The following TNFRSF21 variants were observed in gnomAD, a reference collection of about 807,000 sequenced individuals.
The protein encoded by TNFRSF21 is TNF receptor superfamily member 21.
In TNFRSF21, 19 loss-of-function variants were observed where a neutral mutation model predicts 45.6. The observed-to-expected ratio is 0.42, with a 90% confidence interval of 0.29 to 0.61. TNFRSF21 has a LOEUF of 0.61. TNFRSF21 is among the 20% of genes least tolerant of loss of function. The pLI is 0.23. For missense variants in TNFRSF21, 737 were observed against 851.5 expected, an observed-to-expected ratio of 0.87 and a Z score of 1.67; for synonymous variants, 314 against 335.5, an observed-to-expected ratio of 0.94 and a Z score of 0.70.
chr6:47,266,350 C>T (rs1188649067), intron 3 of TNFRSF21, among the ~76,000 whole-genome samples: 4 of 152,136 alleles, frequency 2.6e-5, no homozygotes, highest in African/African-American at 9.7e-5. Flanking sequence ...GAACTTAGAA[C>T]TCTGAACTGG....
Position 47,232,546 on chromosome 6 carries a change from T to C in TNFRSF21, c.*219A>G, listed in dbSNP as rs911847933. 6.3e-5 allele frequency: 33 copies of C among 521,248 alleles called. No individual in the cohort carries two copies. The highest frequency in any genetic ancestry group is 1.0e-4 in the Non-Finnish European group (30 of 299,522). 32.3% of individuals were successfully genotyped at this position (521,248 alleles called of 1,614,324 possible). A position where few individuals can be genotyped will look rare whatever the true frequency, so the allele number is the denominator to read the frequency against. On this transcript the variant is annotated 3_prime_UTR_variant, in exon 6 of 6. Coordinates refer to ENST00000296861, the MANE Select transcript of TNFRSF21 (RefSeq NM_014452.5). ...ACCTGGCAAAGGCTTATAAACCAAC[T>C]TCCCAGAAGAGTTATTTAAAAAAAA...
intron 3 of TNFRSF21, 127 bp downstream of exon 3, chr6:47,283,811 G>C (rs1280282300): frequency 5.8e-6 from 7 of 1,209,972 alleles, no homozygotes; most frequent in Non-Finnish European, 7.0e-6. Context: ...AACACGACTA[G>C]ATCAAGTAGT....
intron 4 of TNFRSF21, among the ~76,000 whole-genome samples, chr6:47,242,628 G>C (rs149050809): frequency 2.6e-5 from 4 of 152,186 alleles, no homozygotes; most frequent in East Asian, 1.9e-4. Flanking sequence ...GAGGGAAAAG[G>C]GGGGGCAGCC....
intron 3 of TNFRSF21, among the ~76,000 whole-genome samples, chr6:47,279,018 T>C (rs1762533083): frequency 6.6e-6 from 1 of 152,184 alleles, no homozygotes; most frequent in Admixed American, 6.5e-5. Flanking sequence ...CTCACTTTTC[T>C]TCACAGTCTG....
At chr6:47,257,162 C>G (rs148910630) in intron 3 of TNFRSF21, among the ~76,000 whole-genome samples, 2,926 of 151,892 alleles carry the variant, frequency 0.019, 44 homozygotes, top group Middle Eastern at 0.034. Flanking sequence ...TTAAGTTTAA[C>G]AACCCCTCCT....
chr6:47,297,722 C>T (rs1762811042), intron 1 of TNFRSF21, among the ~76,000 whole-genome samples: 1 of 152,042 alleles, frequency 6.6e-6, no homozygotes, highest in African/African-American at 2.4e-5. Context: ...GGGACTTCAC[C>T]ATATTGACCA....
rs116540483 is a variant in TNFRSF21, at chr6:47,278,821, G to A, written c.1243+5117C>T. Among the ~76,000 whole-genome samples the A allele has an allele frequency of 3.7e-3, 570 of 152,282 alleles. 4 individuals are homozygous for A. Among genetic ancestry groups the A allele is most frequent in the African/African-American group, 0.013 (520 of 41,578 alleles). ...AATAATGCCTGCCCCAACTGATTTC[G>A]TAATCCCTGTTGCAGTTGATTTAAA... is the stretch of plus-strand genomic sequence containing the variant. On this transcript the variant is annotated intron_variant, in intron 3 of 5. Coordinates refer to ENST00000296861, the MANE Select transcript of TNFRSF21 (RefSeq NM_014452.5).
At position 47,286,453 on chromosome 6, in the gene TNFRSF21, C is replaced by G; in HGVS notation, c.239G>C (p.Cys80Ser). 1 of 1,614,236 alleles carries G rather than the reference C, an allele frequency of 6.2e-7. No individual in the cohort carries two copies. ...CPAGTYVSEH[C>S]TNTSLRVCSS... is the part of the protein sequence containing the mutation. ...GCAGACGCGCAGGCTTGTGTTGGTA[C>G]AATGCTCAGAGACATAGGTTCCTGC... The change falls in exon 2 of 6, where the codon TGT becomes TCT. Residue 80 changes from cysteine to serine, a missense_variant. Cys to Ser is a moderately radical substitution (Grantham distance 112). Coordinates refer to ENST00000296861, the MANE Select transcript of TNFRSF21 (RefSeq NM_014452.5).
chr6:47,309,683 G>T lies in TNFRSF21; in HGVS notation c.-172C>A. The T allele has an allele frequency of 2.0e-6, 2 of 983,388 alleles. No individual in the cohort carries two copies. Among genetic ancestry groups the T allele is most frequent in the Non-Finnish European group, 2.7e-6 (2 of 740,086 alleles). 60.9% of individuals were successfully genotyped at this position (983,388 alleles called of 1,614,324 possible). ...GCAGAGGAGGGAGGCGGCAAGGGAG[G>T]CTCTAGGGGCGCTCAGCACCTGCCC... On this transcript the variant is annotated 5_prime_UTR_variant, in exon 1 of 6. Coordinates refer to ENST00000296861, the MANE Select transcript of TNFRSF21 (RefSeq NM_014452.5).
intron 1 of TNFRSF21, among the ~76,000 whole-genome samples, chr6:47,295,122 A>G (rs980361850): frequency 1.3e-5 from 2 of 152,162 alleles, no homozygotes; most frequent in African/African-American, 4.8e-5. Context: ...TAAATAACCA[A>G]CAGTAAAAAC....
At chr6:47,306,552 A>G (rs188565684) in intron 1 of TNFRSF21, among the ~76,000 whole-genome samples, 1 of 152,362 alleles carries the variant, frequency 6.6e-6, no homozygotes, top group African/African-American at 2.4e-5. Context: ...AGATGCTATG[A>G]ATAAATGAGA....
At chr6:47,302,344 A>G (rs574032937) in intron 1 of TNFRSF21, among the ~76,000 whole-genome samples, 99 of 152,346 alleles carry the variant, frequency 6.5e-4, no homozygotes, top group African/African-American at 2.2e-3. Flanking sequence ...CTAGGCTGAC[A>G]GCAAAGAAAA....
In TNFRSF21 at chr6:47,291,090, G is replaced by A. The variant is rs768844151; in HGVS notation, c.97-4495C>T. ...CATTTTGTCACCACTCTTAAGGATGGAGAGGCAGAAATTAACTCCAGGCAA... is the reference window on the plus strand; with the variant it reads ...CATTTTGTCACCACTCTTAAGGATGAAGAGGCAGAAATTAACTCCAGGCAA... On this transcript the variant is annotated intron_variant, in intron 1 of 5. Transcript: ENST00000296861. 1.3e-3 allele frequency among the ~76,000 whole-genome samples: 201 copies of A among 152,352 alleles called. 1 individual carries two copies. Among genetic ancestry groups the A allele is most frequent in the Non-Finnish European group, 1.1e-3 (77 of 68,036 alleles).
Position 47,286,582 on chromosome 6 carries a change from C to A in TNFRSF21, c.110G>T (p.Ser37Ile). The change falls in exon 2 of 6, where the codon AGC (serine) becomes ATC (isoleucine). Residue 37 changes from serine to isoleucine, a missense_variant. Physicochemically the swap from Ser to Ile is moderately radical, Grantham distance 142 (BLOSUM62 -2). Transcript: ENST00000296861. ...AGSLLLLGFL[S>I]TTTAQPEQKA... ...CTGTTCTGGCTGAGCTGTGGTGGTG[C>A]TAAGGAATCCAAGCTGAAAGAAACA... 1 of 1,599,502 alleles carries A rather than the reference C, an allele frequency of 6.3e-7. No individual in the cohort carries two copies. Among genetic ancestry groups the A allele is most frequent in the Non-Finnish European group, 8.6e-7 (1 of 1,169,290 alleles).
chr6:47,285,947 T>C lies in TNFRSF21; in HGVS notation c.745A>G (p.Lys249Glu), dbSNP rs1762639422. 6.2e-7 allele frequency: 1 copy of C among 1,613,596 alleles called. No homozygotes were observed. Among genetic ancestry groups the C allele is most frequent in the East Asian group, 2.2e-5 (1 of 44,876 alleles). Residue 249 changes from lysine (K) to glutamate (E), a missense_variant, in exon 2 of 6, where the codon AAA becomes GAA. Transcript: ENST00000296861. Reference sequence around the variant, plus strand: ...ATAATTCATGAGGTTAAGTTACCTTTGGGAACATAAGTGGAGGAAGGGACT... The same window carrying C: ...ATAATTCATGAGGTTAAGTTACCTTCGGGAACATAAGTGGAGGAAGGGACT... Reference protein sequence around the residue: ...HEVPSSTYVPKGMNSTESNSS... With the variant: ...HEVPSSTYVPEGMNSTESNSS...
At position 47,232,654 on chromosome 6, in the gene TNFRSF21, C is replaced by G. The variant is rs1012976895; in HGVS notation, c.*111G>C. 2.3e-6 allele frequency: 2 copies of G among 858,388 alleles called. No homozygotes were observed. Among genetic ancestry groups the G allele is most frequent in the Non-Finnish European group, 1.8e-6 (1 of 544,858 alleles). 53.2% of individuals were successfully genotyped at this position (858,388 alleles called of 1,614,324 possible). On this transcript the variant is annotated 3_prime_UTR_variant, in exon 6 of 6. Transcript: ENST00000296861. ...ACACACACACACACACACACACACA[C>G]ACACAAACACACACACACACCCCAA...
chr6:47,282,743 T>C (rs949449958), intron 3 of TNFRSF21, among the ~76,000 whole-genome samples: 3 of 152,236 alleles, frequency 2.0e-5, no homozygotes, highest in Non-Finnish European at 2.9e-5. Context: ...GTATGTAGTT[T>C]GGTGTTTGTT....
chr6:47,235,855 G>A (rs1272055159), intron 4 of TNFRSF21, among the ~76,000 whole-genome samples: 1 of 152,200 alleles, frequency 6.6e-6, no homozygotes, highest in Non-Finnish European at 1.5e-5. Flanking sequence ...ATTCTGGAGT[G>A]GGGAGGTCAG....
At chr6:47,271,787 A>G (rs567138041) in intron 3 of TNFRSF21, among the ~76,000 whole-genome samples, 62 of 152,298 alleles carry the variant, frequency 4.1e-4, no homozygotes, top group Non-Finnish European at 1.0e-4. Flanking sequence ...ACGCACACAC[A>G]CACATAGGCT....
Sources: gnomAD v4.1 joint callset for allele counts (sites outside exome capture counted in the v4.1 genomes callset) on GRCh38, gnomAD v4.1.1 for gene constraint, MANE v1.5 for transcripts, NCBI Gene and HGNC (gene_info 2026-07-23, HGNC 2026-07-21) for gene names.